CNBD1: variants seen among roughly 807,000 people sequenced by gnomAD.
The protein encoded by CNBD1 is cyclic nucleotide binding domain containing 1, also known as cyclic nucleotide-binding domain-containing protein 1.
CNBD1 carries 71 observed loss-of-function variants against 54.4 expected under a neutral mutation model. The observed-to-expected ratio is 1.30, with a 90% confidence interval of 1.08 to 1.59. CNBD1 has a LOEUF of 1.59. CNBD1 is among the 40% of genes most tolerant of loss of function. The probability of loss-of-function intolerance (pLI) is 0.00; values close to 1 mark genes in which losing one functional copy is unlikely to be tolerated. For missense variants in CNBD1, 659 were observed against 518.0 expected (o/e 1.27, Z -2.64); for synonymous variants, 182 against 170.7 (o/e 1.07, Z -0.51).
chr8:87,367,497 G>A (rs78618703), intron 10 of CNBD1, among the ~76,000 whole-genome samples: 2,877 of 152,116 alleles, frequency 0.019, 92 homozygotes, highest in African/African-American at 0.063. Context: ...ACATTTCAGT[G>A]TGCATGAAGG....
At chr8:87,146,071 T>A (rs1812480765) in intron 4 of CNBD1, among the ~76,000 whole-genome samples, 1 of 152,166 alleles carries the variant, frequency 6.6e-6, no homozygotes, top group Non-Finnish European at 1.5e-5. Context: ...ATTTTCGAAT[T>A]CTTTTTCAAT....
rs554068624 is a variant in CNBD1, at chr8:86,999,066, C to T, written c.431+59312C>T. ...TGCTATCAATATTTAAATGTCCATG[C>T]CATTGATATCATCAACTTTCTGAAC... is the stretch of plus-strand genomic sequence containing the variant. On this transcript the variant is annotated intron_variant, in intron 4 of 10. Transcript: ENST00000518476. Among the ~76,000 whole-genome samples the T allele has an allele frequency of 3.9e-5, 6 of 152,330 alleles. No homozygotes were observed. The South Asian group carries it at 1.2e-3, about 32-fold the overall frequency.
intron 5 of CNBD1, among the ~76,000 whole-genome samples, chr8:87,219,614 A>C (rs1437949442): frequency 6.6e-6 from 1 of 152,024 alleles, no homozygotes; most frequent in Non-Finnish European, 1.5e-5. Context: ...AGCAAGTGAT[A>C]AAATACTAAA....
intron 6 of CNBD1, among the ~76,000 whole-genome samples, chr8:87,239,255 T>A (rs1257569858): frequency 6.6e-6 from 1 of 152,204 alleles, no homozygotes; most frequent in African/African-American, 2.4e-5. Flanking sequence ...TGATTACTGA[T>A]AAACTTATTT....
chr8:87,201,183 A>G (rs915329813), intron 4 of CNBD1, among the ~76,000 whole-genome samples: 2 of 152,112 alleles, frequency 1.3e-5, no homozygotes, highest in Admixed American at 1.3e-4. Context: ...GACAAAATCC[A>G]ACACCCATTC....
chr8:87,329,002 G>A (rs931708474), intron 8 of CNBD1, among the ~76,000 whole-genome samples: 2 of 151,690 alleles, frequency 1.3e-5, no homozygotes, highest in African/African-American at 2.4e-5. Flanking sequence ...TCTTCTAGGA[G>A]TTATTCCTTC....
At chr8:87,006,674 C>T (rs1809104403) in intron 4 of CNBD1, among the ~76,000 whole-genome samples, 1 of 152,130 alleles carries the variant, frequency 6.6e-6, no homozygotes, top group Admixed American at 6.5e-5. Context: ...TGAAGCAGCA[C>T]CATACCAGGC....
chr8:87,217,852 A>G (rs1235668901), intron 5 of CNBD1, among the ~76,000 whole-genome samples: 1 of 152,126 alleles, frequency 6.6e-6, no homozygotes, highest in East Asian at 1.9e-4. Flanking sequence ...TGGAGAAACC[A>G]TCTGGACTTT....
intron 4 of CNBD1, among the ~76,000 whole-genome samples, chr8:87,042,568 A>AAT (rs1810095185): frequency 6.6e-6 from 1 of 152,208 alleles, no homozygotes; most frequent in Non-Finnish European, 1.5e-5. Context: ...ATTGACCAGA[A>AAT]TAGATTAAAG....
chr8:86,959,485 C>A (rs1031029171), intron 4 of CNBD1, among the ~76,000 whole-genome samples: 16 of 152,170 alleles, frequency 1.1e-4, no homozygotes, highest in African/African-American at 3.1e-4. Context: ...TTCAGGTACA[C>A]CAATGAGATG....
At chr8:87,112,420 A>G (rs1811682621) in intron 4 of CNBD1, among the ~76,000 whole-genome samples, 1 of 152,118 alleles carries the variant, frequency 6.6e-6, no homozygotes, top group Non-Finnish European at 1.5e-5. Flanking sequence ...ATTAAGTCCT[A>G]GTCTTGGTGT....
chr8:87,374,789 C>G (rs1034388809), intron 10 of CNBD1, among the ~76,000 whole-genome samples: 4 of 150,694 alleles, frequency 2.7e-5, no homozygotes, highest in African/African-American at 9.9e-5. Flanking sequence ...CCTTGGAATT[C>G]TTTTCTTGGA....
downstream of CNBD1, chr8:87,382,947 A>T (rs1434908062): frequency 4.8e-6 from 1 of 207,506 alleles, no homozygotes; most frequent in East Asian, 9.9e-5. Flanking sequence ...GTAAATGTTT[A>T]TATGACCATG....
At chr8:87,248,881 GA>G (rs1563523400) in intron 6 of CNBD1, among the ~76,000 whole-genome samples, 1 of 152,170 alleles carries the variant, frequency 6.6e-6, no homozygotes, top group Non-Finnish European at 1.5e-5. Context: ...GGCGTGAACA[GA>G]AGTGGTAAAT....
chr8:87,364,971 A>C (rs1337826359), intron 10 of CNBD1, among the ~76,000 whole-genome samples: 4 of 152,046 alleles, frequency 2.6e-5, no homozygotes, highest in African/African-American at 9.7e-5. Flanking sequence ...ATGTGTCTTT[A>C]TAATAGAACT....
intron 4 of CNBD1, among the ~76,000 whole-genome samples, chr8:87,110,480 G>A (rs1198171328): frequency 6.6e-6 from 1 of 152,190 alleles, no homozygotes; most frequent in Admixed American, 6.5e-5. Context: ...CCTACAAGAT[G>A]TTGAGATTCT....
chr8:87,285,987 G>T (rs1311238478), intron 7 of CNBD1, among the ~76,000 whole-genome samples: 1 of 152,210 alleles, frequency 6.6e-6, no homozygotes, highest in Admixed American at 6.6e-5. Flanking sequence ...GCTGGCATAA[G>T]CCATGGTTCA....
intron 7 of CNBD1, among the ~76,000 whole-genome samples, 187 bp downstream of exon 7, chr8:87,285,002 C>A (rs1466924396): frequency 1.3e-5 from 2 of 151,946 alleles, no homozygotes; most frequent in African/African-American, 4.8e-5. Context: ...GAGGTGTAAA[C>A]AAAGGTCTCA....
intron 8 of CNBD1, among the ~76,000 whole-genome samples, chr8:87,334,937 G>A (rs749632730): frequency 1.8e-4 from 28 of 151,750 alleles, no homozygotes; most frequent in Non-Finnish European, 7.4e-5. Flanking sequence ...TTTTGGCCAG[G>A]ATGGTCTCAG....
Sources: gnomAD v4.1 joint callset for allele counts (sites outside exome capture counted in the v4.1 genomes callset) on GRCh38, gnomAD v4.1.1 for gene constraint, MANE v1.5 for transcripts, NCBI Gene and HGNC (gene_info 2026-07-23, HGNC 2026-07-21) for gene names.